ADARB2: variants seen among roughly 807,000 people sequenced by gnomAD.
ADARB2 encodes inactive double-stranded RNA-specific editase B2.
Under a neutral mutation model 62.2 loss-of-function variants are expected in ADARB2, and 25 were observed. The ratio of observed to expected loss-of-function variants is 0.40; its 90% confidence interval spans 0.29 to 0.56. ADARB2 has a LOEUF of 0.56. Among genes scored for constraint, ADARB2 ranks in the 20% least tolerant of loss-of-function variants. ADARB2 has a pLI of 0.43. For synonymous variants in ADARB2, 572 were observed against 500.8 expected, an observed-to-expected ratio of 1.14 and a Z score of -1.90; for missense variants, 1,071 against 1,077.4, an observed-to-expected ratio of 0.99 and a Z score of 0.08.
chr10:1,591,395 G>T (rs1475524399), intron 1 of ADARB2, among the ~76,000 whole-genome samples: 1 of 152,154 alleles, frequency 6.6e-6, no homozygotes, highest in Non-Finnish European at 1.5e-5. Flanking sequence ...CTGTTAAAAG[G>T]GTTCGCTGCT....
At chr10:1,436,202 G>C (rs567775072) in intron 1 of ADARB2, among the ~76,000 whole-genome samples, 41 of 152,308 alleles carry the variant, frequency 2.7e-4, no homozygotes, top group Non-Finnish European at 4.7e-4. Context: ...TATTCAAATA[G>C]AGCAGCTCTT....
chr10:1,554,927 C>A (rs1283810551), intron 1 of ADARB2, among the ~76,000 whole-genome samples: 1 of 152,114 alleles, frequency 6.6e-6, no homozygotes, highest in Non-Finnish European at 1.5e-5. Flanking sequence ...ATCTTTATAT[C>A]CGTGAGTATC....
chr10:1,330,228 T>A (rs1008002347), intron 3 of ADARB2, among the ~76,000 whole-genome samples: 1 of 152,086 alleles, frequency 6.6e-6, no homozygotes, highest in Non-Finnish European at 1.5e-5. Context: ...AGGTAGAGGA[T>A]GTGCAGCTGT....
At chr10:1,566,049 T>G (rs551477263) in intron 1 of ADARB2, among the ~76,000 whole-genome samples, 1 of 138,386 alleles carries the variant, frequency 7.2e-6, no homozygotes, top group African/African-American at 2.8e-5. Flanking sequence ...TCCTCTAGGT[T>G]GAGCTCAGTC....
At chr10:1,328,526 C>T (rs1296610802) in intron 3 of ADARB2, among the ~76,000 whole-genome samples, 1 of 152,072 alleles carries the variant, frequency 6.6e-6, no homozygotes, top group Non-Finnish European at 1.5e-5. Flanking sequence ...TTGAACAGTG[C>T]AAACATTATT....
intron 1 of ADARB2, among the ~76,000 whole-genome samples, chr10:1,465,769 C>A (rs1831246990): frequency 6.6e-6 from 1 of 152,204 alleles, no homozygotes; most frequent in Non-Finnish European, 1.5e-5. Context: ...ATGTGCGTAC[C>A]AGCAACACCT....
chr10:1,274,284 C>T (rs149813195), intron 3 of ADARB2, among the ~76,000 whole-genome samples: 40 of 152,360 alleles, frequency 2.6e-4, no homozygotes, highest in African/African-American at 7.9e-4. Context: ...ATCTGTCCCA[C>T]GGGGTTCACT....
chr10:1,667,027 G>A (rs1387884391), intron 1 of ADARB2, among the ~76,000 whole-genome samples: 1 of 152,194 alleles, frequency 6.6e-6, no homozygotes, highest in African/African-American at 2.4e-5. Context: ...TTATTGTTAT[G>A]TAATTAACAT....
At chr10:1,508,056 C>A (rs1300683796) in intron 1 of ADARB2, among the ~76,000 whole-genome samples, 2 of 152,210 alleles carry the variant, frequency 1.3e-5, no homozygotes, top group Non-Finnish European at 2.9e-5. Flanking sequence ...CAAGGGAGAT[C>A]ACACAATTCC....
chr10:1,687,699 A>G (rs989433939), intron 1 of ADARB2, among the ~76,000 whole-genome samples: 1 of 151,758 alleles, frequency 6.6e-6, no homozygotes, highest in Non-Finnish European at 1.5e-5. Flanking sequence ...TGCCAAGAGT[A>G]TAAAGACCCC....
chr10:1,546,351 C>A (rs997312004), intron 1 of ADARB2, among the ~76,000 whole-genome samples: 2 of 152,244 alleles, frequency 1.3e-5, no homozygotes, highest in Admixed American at 6.5e-5. Flanking sequence ...CAGGTTCCTG[C>A]ACTTACAGAC....
chr10:1,347,216 C>A (rs2805580), intron 3 of ADARB2, among the ~76,000 whole-genome samples: 1 of 152,042 alleles, frequency 6.6e-6, no homozygotes, highest in South Asian at 2.1e-4. Context: ...TGGATTTTCC[C>A]TGAAATCCCT....
intron 3 of ADARB2, among the ~76,000 whole-genome samples, chr10:1,355,522 A>G (rs1001027309): frequency 6.6e-6 from 1 of 152,248 alleles, no homozygotes; most frequent in African/African-American, 2.4e-5. Context: ...TGTGACCCAG[A>G]TTAAGTGCCT....
rs545571808 is a variant in ADARB2 at position 1,719,383 on chromosome 10, A to G, written c.100+17668T>C. 3.9e-5 allele frequency among the ~76,000 whole-genome samples: 6 copies of G among 152,338 alleles called. No homozygotes were observed. The South Asian group carries it at 1.0e-3, about 26-fold the overall frequency. ...TGATTCTTCTCTCATGAAGTGCAAC[A>G]TTTCAAATCTTTGGATTTCAGAAAA... On this transcript the variant is annotated intron_variant, in intron 1 of 9. Transcript: ENST00000381312.
intron 6 of ADARB2, among the ~76,000 whole-genome samples, chr10:1,223,946 T>A (rs1275080289): frequency 6.6e-6 from 1 of 152,222 alleles, no homozygotes; most frequent in Non-Finnish European, 1.5e-5. Flanking sequence ...GTAAAATGCG[T>A]TAGGGAGGAT....
rs954397775 is a variant in ADARB2 at position 1,306,447 on chromosome 10, G to A, written c.1078-35378C>T. Reference sequence around the variant, plus strand: ...ATGGAAGAACATTCCATGCTCATGGGTAGGAAGAATCAATATCGTGAAAAT... The same window carrying A: ...ATGGAAGAACATTCCATGCTCATGGATAGGAAGAATCAATATCGTGAAAAT... On this transcript the variant is annotated intron_variant, in intron 3 of 9. Transcript: ENST00000381312. 7.2e-5 allele frequency among the ~76,000 whole-genome samples: 11 copies of A among 152,068 alleles called. No individual in the cohort carries two copies. The South Asian group carries it at 1.5e-3, about 20-fold the overall frequency.
chr10:1,493,527 A>G (rs1831647667), intron 1 of ADARB2, among the ~76,000 whole-genome samples: 1 of 152,074 alleles, frequency 6.6e-6, no homozygotes, highest in African/African-American at 2.4e-5. Flanking sequence ...GTGCAAGTTC[A>G]CACTTGATTC....
rs989144027 is a variant in ADARB2 at position 1,328,086 on chromosome 10, G to A, written c.1077+34942C>T. On this transcript the variant is annotated intron_variant, in intron 3 of 9. Coordinates refer to ENST00000381312, the MANE Select transcript of ADARB2 (RefSeq NM_018702.4). ...GAGGAAGCCTTACAGTAACCCAGTC[G>A]GGAAATGGTGGGACCCACATGAAGC... Among the ~76,000 whole-genome samples, 7 of 152,148 alleles carry A rather than the reference G, an allele frequency of 4.6e-5. No individual in the cohort carries two copies. In the East Asian group the frequency reaches 7.7e-4, roughly 17 times the overall value.
intron 1 of ADARB2, among the ~76,000 whole-genome samples, chr10:1,690,753 T>C (rs1308030225): frequency 6.6e-6 from 1 of 152,096 alleles, no homozygotes; most frequent in African/African-American, 2.4e-5. Flanking sequence ...CATGATCCGA[T>C]CCCTCTGGGC....
Sources: gnomAD v4.1 joint callset for allele counts (sites outside exome capture counted in the v4.1 genomes callset) on GRCh38, gnomAD v4.1.1 for gene constraint, MANE v1.5 for transcripts, NCBI Gene and HGNC (gene_info 2026-07-23, HGNC 2026-07-21) for gene names.